The following FGD4 variants were observed in gnomAD, a reference collection of about 807,000 sequenced individuals.
The protein encoded by FGD4 is FYVE, RhoGEF and PH domain-containing protein 4.
A neutral mutation model predicts 102.0 loss-of-function variants in FGD4; 42 were observed. The observed-to-expected ratio is 0.41, with a 90% CI of 0.32 to 0.53. FGD4 has a LOEUF of 0.53. FGD4 is among the 20% of genes least tolerant of loss of function. The pLI is 0.21. For missense variants in FGD4, 902 were observed against 1,078.2 expected (o/e 0.84, Z 2.29); for synonymous variants, 380 against 375.7 (o/e 1.01, Z -0.13).
Position 32,638,680 on chromosome 12 carries a change from A to G in FGD4, c.2339A>G (p.Asn780Ser). Residue 780 changes from asparagine (N) to serine (S), a missense_variant, in exon 16 of 17, where the codon AAC becomes AGC. Physicochemically the swap from Asn to Ser is conservative, Grantham distance 46. Transcript: ENST00000534526. ...LEIESAEVSGNSVVCSFLQYM... is the reference protein window; with the variant it reads ...LEIESAEVSGSSVVCSFLQYM... ...ATTGAATCAGCAGAAGTATCTGGAAACAGTGTGGTGTGCAGCTTTCTTCAG... is the reference window on the plus strand; with the variant it reads ...ATTGAATCAGCAGAAGTATCTGGAAGCAGTGTGGTGTGCAGCTTTCTTCAG... 1 of 1,614,188 alleles carries G rather than the reference A, an allele frequency of 6.2e-7. No individual in the cohort carries two copies.
intron 1 of FGD4, among the ~76,000 whole-genome samples, chr12:32,417,988 G>T (rs186568): frequency 1.5e-5 from 2 of 134,796 alleles, no homozygotes; most frequent in Non-Finnish European, 3.1e-5. Flanking sequence ...ACAGAGTCTC[G>T]CTCTGTCGCC....
At chr12:32,500,294 T>G (rs983306730) in intron 1 of FGD4, among the ~76,000 whole-genome samples, 2 of 152,176 alleles carry the variant, frequency 1.3e-5, no homozygotes, top group African/African-American at 4.8e-5. Context: ...AAAGTGTTTA[T>G]TATAGTGTCT....
At chr12:32,475,980 A>G (rs1266622117) in intron 1 of FGD4, among the ~76,000 whole-genome samples, 2 of 152,130 alleles carry the variant, frequency 1.3e-5, no homozygotes, top group Admixed American at 6.5e-5. Flanking sequence ...CTACTCCTAT[A>G]TTTTATTGTA....
intron 1 of FGD4, among the ~76,000 whole-genome samples, chr12:32,558,201 T>G (rs1341580715): frequency 6.6e-6 from 1 of 152,194 alleles, no homozygotes; most frequent in Non-Finnish European, 1.5e-5. Flanking sequence ...CAAATCTAAG[T>G]AATTCTCACA....
At chr12:32,610,366 T>C (rs1592396945) in intron 8 of FGD4, among the ~76,000 whole-genome samples, 1 of 152,356 alleles carries the variant, frequency 6.6e-6, no homozygotes, top group East Asian at 1.9e-4. Flanking sequence ...AACTGAATTT[T>C]TGTTTACATT....
intron 1 of FGD4, among the ~76,000 whole-genome samples, chr12:32,472,500 T>G (rs1445834450): frequency 1.3e-5 from 2 of 152,220 alleles, no homozygotes; most frequent in Non-Finnish European, 2.9e-5. Flanking sequence ...TGCGCTCAAT[T>G]TCTCGCTGGG....
intron 1 of FGD4, among the ~76,000 whole-genome samples, chr12:32,470,751 G>A (rs1471245068): frequency 6.6e-6 from 1 of 152,154 alleles, no homozygotes; most frequent in East Asian, 1.9e-4. Flanking sequence ...GCTGCGCCCG[G>A]CCTGCTTTGA....
intron 2 of FGD4, among the ~76,000 whole-genome samples, chr12:32,572,479 TG>T (rs1294773558): frequency 6.6e-6 from 1 of 152,072 alleles, no homozygotes; most frequent in Non-Finnish European, 1.5e-5. Flanking sequence ...ATTTATCTGA[TG>T]AAAGGGAAAA....
At chr12:32,593,822 C>T (rs1054576422) in intron 4 of FGD4, among the ~76,000 whole-genome samples, 12 of 152,138 alleles carry the variant, frequency 7.9e-5, no homozygotes, top group South Asian at 6.2e-4. Context: ...TGAGTCAAAA[C>T]GATACATCAG....
intron 6 of FGD4, 40 bp from the exon 7 acceptor site, chr12:32,602,121 A>G: frequency 6.2e-7 from 1 of 1,608,798 alleles, no homozygotes. Flanking sequence ...TCTCAAAAAA[A>G]AATTTTTTTT....
intron 11 of FGD4, among the ~76,000 whole-genome samples, chr12:32,622,277 C>T (rs1377968091): frequency 2.6e-5 from 4 of 152,188 alleles, no homozygotes; most frequent in Admixed American, 2.6e-4. Flanking sequence ...TCTGCAAACC[C>T]AAGACACGTG....
intron 1 of FGD4, among the ~76,000 whole-genome samples, chr12:32,508,967 T>C (rs1280664883): frequency 1.3e-5 from 2 of 152,270 alleles, no homozygotes; most frequent in African/African-American, 4.8e-5. Flanking sequence ...AAAGTGTATA[T>C]AGTTCACTTT....
chr12:32,580,615 C>T (rs983484540), intron 3 of FGD4, among the ~76,000 whole-genome samples: 6 of 152,106 alleles, frequency 3.9e-5, no homozygotes, highest in East Asian at 1.9e-4. Context: ...TGGCCGGGCG[C>T]GGTGGCTCAT....
intron 11 of FGD4, among the ~76,000 whole-genome samples, chr12:32,623,273 A>C (rs1429524825): frequency 6.6e-6 from 1 of 152,204 alleles, no homozygotes; most frequent in Non-Finnish European, 1.5e-5. Context: ...AAAAGCTAAA[A>C]GCAGCTAGCA....
chr12:32,559,454 T>G (rs974535674), intron 1 of FGD4, among the ~76,000 whole-genome samples: 1 of 152,242 alleles, frequency 6.6e-6, no homozygotes, highest in African/African-American at 2.4e-5. Context: ...AACAAATGTT[T>G]AAAAATGTAA....
chr12:32,405,218 C>T (rs1214443524), intron 1 of FGD4, among the ~76,000 whole-genome samples: 1 of 150,592 alleles, frequency 6.6e-6, no homozygotes, highest in South Asian at 2.1e-4. Flanking sequence ...CAGGCGTGAG[C>T]CACCGTGCCT....
intron 1 of FGD4, among the ~76,000 whole-genome samples, chr12:32,500,392 T>TTTTATTTTTA (rs1379808269): frequency 6.7e-5 from 9 of 135,274 alleles, no homozygotes; most frequent in Admixed American, 3.8e-4. Flanking sequence ...TTTTATTTTA[T>TTTTATTTTTA]TTTTATTTTA....
chr12:32,523,503 G>A (rs1286994430), intron 1 of FGD4, among the ~76,000 whole-genome samples: 2 of 152,102 alleles, frequency 1.3e-5, no homozygotes, highest in Non-Finnish European at 2.9e-5. Context: ...GGTGGACCGA[G>A]GACTGTCATG....
intron 1 of FGD4, among the ~76,000 whole-genome samples, chr12:32,448,612 G>A (rs571180405): frequency 3.3e-4 from 49 of 150,764 alleles, no homozygotes; most frequent in African/African-American, 1.1e-3. Flanking sequence ...AGCTGAGATC[G>A]CGCCACGGCA....
Sources: gnomAD v4.1 joint callset for allele counts (sites outside exome capture counted in the v4.1 genomes callset) on GRCh38, gnomAD v4.1.1 for gene constraint, MANE v1.5 for transcripts, NCBI Gene and HGNC (gene_info 2026-07-23, HGNC 2026-07-21) for gene names.